Variants in CYP27C1 observed in about 807,000 individuals in gnomAD.
CYP27C1 encodes cytochrome P450 27C1.
A neutral mutation model predicts 40.6 loss-of-function variants in CYP27C1; 29 were observed. That is an observed-to-expected ratio of 0.71 (90% CI 0.53 to 0.97). CYP27C1 has a LOEUF of 0.97. Among genes scored for constraint, CYP27C1 ranks in the 50% least tolerant of loss-of-function variants. The pLI is 0.00. For synonymous variants in CYP27C1, 198 were observed against 186.8 expected, an observed-to-expected ratio of 1.06 and a Z score of -0.49; for missense variants, 390 against 485.8, an observed-to-expected ratio of 0.80 and a Z score of 1.85.
At chr2:127,203,632 C>A in intron 2 of CYP27C1, 61 bp from the exon 3 acceptor site, 2 of 1,534,714 alleles carry the variant, frequency 1.3e-6, no homozygotes, top group East Asian at 2.3e-5. Flanking sequence ...GGAAAGAATT[C>A]AAGGAACCTC....
Position 127,201,392 on chromosome 2 carries a change from T to C in CYP27C1, c.674-61A>G, listed in dbSNP as rs1474715943. The C allele has an allele frequency of 6.6e-7, 1 of 1,524,920 alleles. No homozygotes were observed. Among genetic ancestry groups the C allele is most frequent in the Non-Finnish European group, 8.9e-7 (1 of 1,117,486 alleles). 94.5% of individuals were successfully genotyped at this position (1,524,920 alleles called of 1,614,324 possible). On this transcript the variant is annotated intron_variant, in intron 3 of 8. Transcript: ENST00000664447. This position sits in a 1 kb window ranked among gnomAD's most constrained non-coding sequence, Gnocchi z 6.0. ...GATTATTTACCATACCAACAGGCAA[T>C]GTTGGGCCATAAATGCAACTTTCAA...
In CYP27C1 at chr2:127,199,381, C is replaced by G. The variant is rs770943229; in HGVS notation, c.1042G>C (p.Asp348His). ...NVTEMLLAGV[D>H]TTSFTLSWTV... is the part of the protein sequence containing the mutation. ...AACAGGACCCCCAGACTCACCGTGT[C>G]GACGCCGGCCAGCAGCATCTCAGTC... The change falls in exon 5 of 9, where the codon GAC (aspartate) becomes CAC (histidine). Residue 348 changes from aspartate to histidine, a missense_variant. Transcript: ENST00000664447. The G allele has an allele frequency of 6.2e-7, 1 of 1,613,940 alleles. No individual in the cohort carries two copies. Among genetic ancestry groups the G allele is most frequent in the Non-Finnish European group, 8.5e-7 (1 of 1,179,894 alleles).
intron 1 of CYP27C1, among the ~76,000 whole-genome samples, chr2:127,206,296 T>C (rs532496296): frequency 7.0e-6 from 1 of 142,656 alleles, no homozygotes; most frequent in African/African-American, 3.0e-5. Context: ...TTTCCGTTTG[T>C]TTGTTTGTTT....
intron 1 of CYP27C1, among the ~76,000 whole-genome samples, chr2:127,206,812 T>C (rs1185887458): frequency 2.0e-5 from 3 of 152,092 alleles, no homozygotes; most frequent in Non-Finnish European, 4.4e-5. Context: ...CCTCTAAAAC[T>C]GACTCCCAGC....
In CYP27C1 at chr2:127,185,356, C is replaced by T. The variant is rs1403842352; in HGVS notation, c.*1915G>A. The T allele has an allele frequency of 1.3e-5, 2 of 152,230 alleles. No individual in the cohort carries two copies. The highest frequency in any genetic ancestry group is 2.9e-5 in the Non-Finnish European group (2 of 68,094). 9.4% of individuals were successfully genotyped at this position (152,230 alleles called of 1,614,324 possible). On this transcript the variant is annotated 3_prime_UTR_variant, in exon 9 of 9. Transcript: ENST00000664447. The surrounding 1 kb of genome is among the most constrained non-coding windows in gnomAD (Gnocchi z 4.9). The stretch of plus-strand genomic sequence containing the variant: ...CCCCAGCCCGCACTTTGCTATTCAC[C>T]CTGTGCTGATCCCCAGGCAGAGCCA...
chr2:127,193,910 C>T (rs1253101734), intron 6 of CYP27C1, 43 bp from the exon 7 acceptor site: 3 of 1,607,238 alleles, frequency 1.9e-6, no homozygotes, highest in Non-Finnish European at 2.6e-6. Context: ...TGGTGACTTT[C>T]ACAGTATTTT....
In CYP27C1 at chr2:127,193,238, G is replaced by A. The variant is rs764980155; in HGVS notation, c.1353C>T (p.Ala451=). ...TSYQDENFPR[A]KEFRPERWLR... ...GCCAGCGCTCAGGCCGGAACTCCTT[G>A]GCCCGAGGGAAGTTCTCATCCTGGT... The change falls in exon 8 of 9, where the codon GCC becomes GCT. Residue 451 remains alanine, a synonymous_variant. Transcript: ENST00000664447. The A allele has an allele frequency of 6.8e-6, 11 of 1,614,192 alleles. No homozygotes were observed. Among genetic ancestry groups the A allele is most frequent in the East Asian group, 2.2e-5 (1 of 44,882 alleles).
chr2:127,187,001 T>C lies in CYP27C1; in HGVS notation c.*270A>G. The C allele has an allele frequency of 2.3e-6, 1 of 427,072 alleles. No homozygotes were observed. The highest frequency in any genetic ancestry group is 3.6e-5 in the Admixed American group (1 of 27,542). 26.5% of individuals were successfully genotyped at this position (427,072 alleles called of 1,614,324 possible). A position where few individuals can be genotyped will look rare whatever the true frequency, so the allele number is the denominator to read the frequency against. On this transcript the variant is annotated 3_prime_UTR_variant, in exon 9 of 9. Transcript: ENST00000664447. The stretch of plus-strand genomic sequence containing the variant: ...ATTAAATATTGAGTCTAGCACAATG[T>C]ATGAAGCATAAAAATTCACTGCCAC...
chr2:127,188,208 C>T (rs1682678564), intron 8 of CYP27C1, among the ~76,000 whole-genome samples: 1 of 152,100 alleles, frequency 6.6e-6, no homozygotes, highest in African/African-American at 2.4e-5. Context: ...CCAGGCTGTC[C>T]CCGCCCTGCC....
intron 5 of CYP27C1, among the ~76,000 whole-genome samples, chr2:127,199,001 A>G (rs1053535530): frequency 4.6e-5 from 7 of 152,128 alleles, no homozygotes; most frequent in African/African-American, 1.7e-4. Context: ...AAAGTAGACA[A>G]CGGCCAGTCG....
intron 1 of CYP27C1, among the ~76,000 whole-genome samples, chr2:127,211,514 C>G (rs1206974705): frequency 6.6e-6 from 1 of 151,618 alleles, no homozygotes; most frequent in East Asian, 1.9e-4. Context: ...TCCCGAGTAG[C>G]TGGGACTACA....
At chr2:127,189,869 C>T (rs1480274102) in intron 8 of CYP27C1, among the ~76,000 whole-genome samples, 2 of 152,162 alleles carry the variant, frequency 1.3e-5, no homozygotes, top group Admixed American at 6.5e-5. Flanking sequence ...TGATTTTGCA[C>T]ATTTTCTATC....
At chr2:127,207,127 G>A (rs1558932540) in intron 1 of CYP27C1, among the ~76,000 whole-genome samples, 1 of 152,136 alleles carries the variant, frequency 6.6e-6, no homozygotes, top group Admixed American at 6.5e-5. Flanking sequence ...ACTTTTGGGA[G>A]GCTTAGGTGG....
intron 6 of CYP27C1, among the ~76,000 whole-genome samples, chr2:127,194,115 C>G (rs1012456124): frequency 6.6e-6 from 1 of 152,162 alleles, no homozygotes; most frequent in African/African-American, 2.4e-5. Flanking sequence ...CAAAGCCAAG[C>G]CTTTCACATG....
chr2:127,208,277 C>T lies in CYP27C1; in HGVS notation c.283-2187G>A, dbSNP rs569421848. Among the ~76,000 whole-genome samples, 49 of 152,246 alleles carry T rather than the reference C, an allele frequency of 3.2e-4. 1 individual carries two copies. The highest frequency in any genetic ancestry group is 2.1e-4 in the South Asian group (1 of 4,820). Reference sequence around the variant, plus strand: ...TGCAGTGGCCCACCTGGAAGCCACACGGGGAAGGGAACCCACTCCCCCCAG... The same window carrying T: ...TGCAGTGGCCCACCTGGAAGCCACATGGGGAAGGGAACCCACTCCCCCCAG... On this transcript the variant is annotated intron_variant, in intron 1 of 8. Transcript: ENST00000664447. The surrounding 1 kb of genome is among the most constrained non-coding windows in gnomAD (Gnocchi z 5.2).
intron 8 of CYP27C1, among the ~76,000 whole-genome samples, chr2:127,188,185 T>A (rs1226938794): frequency 6.6e-6 from 1 of 152,124 alleles, no homozygotes; most frequent in Non-Finnish European, 1.5e-5. Flanking sequence ...TACCATAGTC[T>A]CCTACTTAGC....
chr2:127,199,324 G>A lies in CYP27C1; in HGVS notation c.1047+52C>T, dbSNP rs1282996230. On this transcript the variant is annotated intron_variant, in intron 5 of 8. Transcript: ENST00000664447. ...AAGTAGACAACGTCCATGAGGTGAT[G>A]AGGAAGGGGTTATCGTGTGTTGCTT... 9 of 1,590,878 alleles carry A rather than the reference G, an allele frequency of 5.7e-6. No individual in the cohort carries two copies. The Admixed American group carries it at 1.0e-4, about 18-fold the overall frequency.
chr2:127,189,114 G>C (rs1316481642), intron 8 of CYP27C1, among the ~76,000 whole-genome samples: 1 of 151,920 alleles, frequency 6.6e-6, no homozygotes, highest in Non-Finnish European at 1.5e-5. Context: ...TTTCTGAGTG[G>C]TTTGTTTGTT....
rs1558931281 is a variant in CYP27C1 at position 127,204,540 on chromosome 2, AGAG to A, written c.474-972_474-970del. ...AGGAAAGAAAGAAAGAAAGAAAGAG[AGAG>A]AGAGAGAGAGAGAGAAAGAAAGAAA... On this transcript the variant is annotated intron_variant, in intron 2 of 8. Transcript: ENST00000664447. Among the ~76,000 whole-genome samples the A allele has an allele frequency of 1.7e-4, 7 of 42,230 alleles. 1 individual carries two copies. Among genetic ancestry groups the A allele is most frequent in the African/African-American group, 4.7e-4 (7 of 14,834 alleles). The allele number at this position is 42,230 out of a possible 152,430, so 27.7% of individuals were successfully genotyped here.
Sources: gnomAD v4.1 joint callset for allele counts (sites outside exome capture counted in the v4.1 genomes callset) on GRCh38, gnomAD v4.1.1 for gene constraint, Gnocchi (gnomAD v3.1) non-coding constraint, MANE v1.5 for transcripts, NCBI Gene and HGNC (gene_info 2026-07-23, HGNC 2026-07-21) for gene names.